Variants in DNAJA3 observed in about 807,000 individuals in gnomAD.
The protein encoded by DNAJA3 is DnaJ heat shock protein family (Hsp40) member A3, also known as dnaJ homolog subfamily A member 3, mitochondrial.
In DNAJA3, 29 loss-of-function variants were observed where a neutral mutation model predicts 54.9. That is an observed-to-expected ratio of 0.53 (90% CI 0.39 to 0.72). The LOEUF is 0.72. Ranked by LOEUF, DNAJA3 falls within the 30% of genes least tolerant of loss-of-function variation. DNAJA3 has a pLI of 0.00. For missense variants in DNAJA3, 708 were observed against 639.4 expected (o/e 1.11, Z -1.16); for synonymous variants, 302 against 251.4 (o/e 1.20, Z -1.90).
chr16:4,448,324 C>CT (rs929045975), intron 8 of DNAJA3, among the ~76,000 whole-genome samples: 31 of 149,202 alleles, frequency 2.1e-4, no homozygotes, highest in East Asian at 6.0e-4. Context: ...TGCGCCCGGC[C>CT]TTTTTTTTTA....
chr16:4,455,207 C>T (rs891855061), intron 11 of DNAJA3, among the ~76,000 whole-genome samples: 4 of 152,130 alleles, frequency 2.6e-5, no homozygotes, highest in Non-Finnish European at 5.9e-5. Context: ...TGTTGTACAG[C>T]CCCCCTGCAG....
intron 1 of DNAJA3, among the ~76,000 whole-genome samples, chr16:4,427,533 C>CT (rs1165422005): frequency 1.1e-4 from 17 of 152,164 alleles, no homozygotes; most frequent in African/African-American, 3.9e-4. Flanking sequence ...TATTTAACCC[C>CT]TTCGAGCACC....
In DNAJA3 at chr16:4,448,805, G is replaced by A. The variant is rs774460631; in HGVS notation, c.1198G>A (p.Gly400Ser). Residue 400 changes from glycine to serine, a missense_variant, in exon 9 of 12, where the codon GGC (glycine) becomes AGC (serine). Transcript: ENST00000262375. Reference sequence around the variant, plus strand: ...AGGCATCCCCCGGATTAACAGCTACGGCTACGGAGACCACTACATCCACAT... The same window carrying A: ...AGGCATCCCCCGGATTAACAGCTACAGCTACGGAGACCACTACATCCACAT... The part of the protein sequence containing the change: ...GKGIPRINSY[G>S]YGDHYIHIKI... 1.1e-5 allele frequency: 18 copies of A among 1,613,878 alleles called. No individual in the cohort carries two copies. The highest frequency in any genetic ancestry group is 3.3e-4 in the Middle Eastern group (2 of 6,084).
intron 4 of DNAJA3, 152 bp from the exon 5 acceptor site, chr16:4,442,116 C>T: frequency 1.4e-6 from 1 of 727,422 alleles, no homozygotes; most frequent in Non-Finnish European, 2.1e-6. Flanking sequence ...TTCAGTGAGT[C>T]CTACCTATGC....
chr16:4,434,746 GT>G (rs895343440), intron 2 of DNAJA3, among the ~76,000 whole-genome samples: 9 of 151,326 alleles, frequency 5.9e-5, no homozygotes, highest in Admixed American at 4.0e-4. Context: ...ATTTTAAGAA[GT>G]TTTTTTTTCT....
intron 7 of DNAJA3, among the ~76,000 whole-genome samples, 154 bp from the exon 8 acceptor site, chr16:4,446,732 G>C (rs943409674): frequency 6.6e-6 from 1 of 152,136 alleles, no homozygotes; most frequent in Non-Finnish European, 1.5e-5. Flanking sequence ...GTGTCTCCTT[G>C]TTGGAAGGAC....
At chr16:4,426,807 G>A (rs968315488) in intron 1 of DNAJA3, 8 of 152,286 alleles carry the variant, frequency 5.3e-5, no homozygotes, top group Admixed American at 4.6e-4. Context: ...AGGCTTAGAT[G>A]TTAAACCACT....
chr16:4,446,928 C>T lies in DNAJA3; in HGVS notation c.1039C>T (p.His347Tyr). 3 of 1,614,158 alleles carry T rather than the reference C, an allele frequency of 1.9e-6. No homozygotes were observed. Among genetic ancestry groups the T allele is most frequent in the Middle Eastern group, 3.3e-4 (2 of 6,046 alleles). The change falls in exon 8 of 12, where the codon CAC becomes TAC. Residue 347 changes from histidine to tyrosine, a missense_variant. By Grantham distance (83) the His-to-Tyr change is moderately conservative. Coordinates refer to ENST00000262375, the MANE Select transcript of DNAJA3 (RefSeq NM_005147.6). ...PVFRRDGADI[H>Y]SDLFISIAQA... is the part of the protein sequence containing the mutation. ...GTTCCGGAGGGACGGCGCAGACATC[C>T]ACTCCGACCTCTTTATTTCTATAGC...
chr16:4,437,431 T>A lies in DNAJA3; in HGVS notation c.375T>A (p.Asn125Lys). The change falls in exon 3 of 12, where the codon AAT becomes AAA. Residue 125 changes from asparagine (N) to lysine (K), a missense_variant. Physicochemically the swap from Asn to Lys is moderately conservative, Grantham distance 94. Transcript: ENST00000262375. ...QLAKKYHPDT[N>K]KDDPKAKEKF... The stretch of plus-strand genomic sequence containing the variant: ...CCAAGAAGTATCACCCTGACACAAA[T>A]AAGGATGATCCCAAAGCCAAGGAGA... 1.9e-6 allele frequency: 3 copies of A among 1,614,008 alleles called. No individual in the cohort carries two copies. Among genetic ancestry groups the A allele is most frequent in the Non-Finnish European group, 2.5e-6 (3 of 1,179,982 alleles).
chr16:4,430,543 A>C (rs2056684358), intron 1 of DNAJA3: 1 of 151,506 alleles, frequency 6.6e-6, no homozygotes, highest in South Asian at 2.1e-4. Context: ...AGCCTGGGCA[A>C]CAAGAGCCAA....
rs77296734 is a variant in DNAJA3, at chr16:4,442,805, T to C, written c.784-212T>C. On this transcript the variant is annotated intron_variant, in intron 5 of 11. Coordinates refer to ENST00000262375, the MANE Select transcript of DNAJA3 (RefSeq NM_005147.6). ...TATTTTTCAGTGTCGTGTGGTCAAG[T>C]TGATGATCTGGAGTGCAGAAGTTTG... is the stretch of plus-strand genomic sequence containing the variant. 5.9e-3 allele frequency: 3,529 copies of C among 599,394 alleles called. 103 individuals are homozygous for C. Among genetic ancestry groups the C allele is most frequent in the African/African-American group, 0.056 (3,024 of 53,998 alleles). The allele number at this position is 599,394 out of a possible 1,614,324, so 37.1% of individuals were successfully genotyped here.
intron 2 of DNAJA3, among the ~76,000 whole-genome samples, chr16:4,436,661 G>C (rs566714999): frequency 7.2e-5 from 11 of 151,966 alleles, no homozygotes; most frequent in Admixed American, 5.9e-4. Flanking sequence ...TCAGCCTCCC[G>C]AGTACCTGTG....
intron 1 of DNAJA3, chr16:4,431,241 C>G (rs2141370263): frequency 6.6e-6 from 1 of 152,288 alleles, no homozygotes; most frequent in Non-Finnish European, 1.5e-5. Flanking sequence ...AGAGGCTGGA[C>G]TGGGCCGGGC....
intron 2 of DNAJA3, among the ~76,000 whole-genome samples, chr16:4,434,931 C>G (rs2056755706): frequency 8.0e-6 from 1 of 124,400 alleles, no homozygotes; most frequent in Non-Finnish European, 1.6e-5. Context: ...GAGTCTCACT[C>G]CATTGCTGAG....
At chr16:4,426,197 T>A in intron 1 of DNAJA3, 105 bp downstream of exon 1, 1 of 1,227,148 alleles carries the variant, frequency 8.1e-7, no homozygotes, top group Non-Finnish European at 1.1e-6. Flanking sequence ...GAGGGTGTCT[T>A]CCGACGCGGA....
chr16:4,444,640 C>A (rs781280911), intron 6 of DNAJA3, 24 bp from the exon 7 acceptor site: 1 of 1,612,094 alleles, frequency 6.2e-7, no homozygotes. Flanking sequence ...TGCCTAACTT[C>A]TCCCTTTCTA....
chr16:4,450,111 T>C (rs1003996324), intron 9 of DNAJA3: 12 of 343,038 alleles, frequency 3.5e-5, no homozygotes, highest in African/African-American at 2.5e-4. Flanking sequence ...TCTTACTTGC[T>C]TCACATACAC....
At chr16:4,442,449 C>G in intron 5 of DNAJA3, 29 bp downstream of exon 5, 1 of 1,549,258 alleles carries the variant, frequency 6.5e-7, no homozygotes. Context: ...CTCCACCTCC[C>G]ACGGCTTGCA....
intron 4 of DNAJA3, 56 bp from the exon 5 acceptor site, chr16:4,442,212 C>A: frequency 1.3e-6 from 2 of 1,507,700 alleles, no homozygotes; most frequent in Non-Finnish European, 8.9e-7. Context: ...TAGAGCCGAG[C>A]GTCAGTTTTG....
Sources: allele counts gnomAD v4.1 joint callset (sites outside exome capture counted in the v4.1 genomes callset), GRCh38; gene constraint gnomAD v4.1.1; transcripts MANE v1.5; gene names NCBI Gene and HGNC (gene_info 2026-07-23, HGNC 2026-07-21).